GNA12: variants seen among roughly 807,000 people sequenced by gnomAD.
The protein encoded by GNA12 is guanine nucleotide-binding protein subunit alpha-12.
A neutral mutation model predicts 26.0 loss-of-function variants in GNA12; 9 were observed. The observed-to-expected ratio is 0.35, with a 90% CI of 0.21 to 0.60. GNA12 has a LOEUF of 0.60. GNA12 is among the 20% of genes least tolerant of loss of function. The probability of loss-of-function intolerance (pLI) is 0.78; values close to 1 mark genes in which losing one functional copy is unlikely to be tolerated. For synonymous variants in GNA12, 264 were observed against 219.6 expected, an observed-to-expected ratio of 1.20 and a Z score of -1.79; for missense variants, 405 against 525.8, an observed-to-expected ratio of 0.77 and a Z score of 2.25.
chr7:2,795,692 G>C (rs755868051), intron 1 of GNA12, among the ~76,000 whole-genome samples: 3 of 150,894 alleles, frequency 2.0e-5, no homozygotes, highest in Non-Finnish European at 4.4e-5. Context: ...ACCACAGAAA[G>C]AAGTCTGCTT....
At chr7:2,798,544 C>T (rs1290898824) in intron 1 of GNA12, among the ~76,000 whole-genome samples, 1 of 152,026 alleles carries the variant, frequency 6.6e-6, no homozygotes, top group Non-Finnish European at 1.5e-5. Flanking sequence ...ATAGATATAC[C>T]ACGGTCACGA....
intron 2 of GNA12, 64 bp downstream of exon 2, chr7:2,794,864 G>C (rs181093880): frequency 8.7e-7 from 1 of 1,145,132 alleles, no homozygotes; most frequent in Non-Finnish European, 1.3e-6. Flanking sequence ...TTCAACTAAC[G>C]GTCCAAAATA....
intron 2 of GNA12, among the ~76,000 whole-genome samples, chr7:2,743,681 C>G (rs1790620448): frequency 6.6e-6 from 1 of 152,162 alleles, no homozygotes; most frequent in Non-Finnish European, 1.5e-5. Flanking sequence ...GTGTGCCAGA[C>G]AGTGGGCGCA....
chr7:2,763,635 C>T (rs1791679571), intron 2 of GNA12, among the ~76,000 whole-genome samples: 1 of 152,252 alleles, frequency 6.6e-6, no homozygotes, highest in Admixed American at 6.5e-5. Context: ...GCAGTGAACA[C>T]ATTTACACTT....
At chr7:2,750,319 G>A (rs572637467) in intron 2 of GNA12, among the ~76,000 whole-genome samples, 3 of 152,292 alleles carry the variant, frequency 2.0e-5, no homozygotes, top group Middle Eastern at 3.4e-3. Flanking sequence ...GCAGAGAATC[G>A]CAGTTTACCA....
At chr7:2,834,457 A>C (rs1020509355) in intron 1 of GNA12, among the ~76,000 whole-genome samples, 11 of 152,228 alleles carry the variant, frequency 7.2e-5, no homozygotes, top group African/African-American at 2.4e-4. Flanking sequence ...CCCCAGCTTG[A>C]GAGTGCGAGT....
At chr7:2,793,066 T>C (rs988111485) in intron 2 of GNA12, among the ~76,000 whole-genome samples, 3 of 152,198 alleles carry the variant, frequency 2.0e-5, no homozygotes, top group Non-Finnish European at 4.4e-5. Context: ...CTGCGGTTTC[T>C]GTGCCAAAAA....
At chr7:2,749,121 G>T (rs1304376199) in intron 2 of GNA12, among the ~76,000 whole-genome samples, 1 of 152,162 alleles carries the variant, frequency 6.6e-6, no homozygotes, top group Non-Finnish European at 1.5e-5. Flanking sequence ...CAGGGATCTA[G>T]AACTAGAAAT....
chr7:2,843,517 C>T (rs1261879605), intron 1 of GNA12, among the ~76,000 whole-genome samples: 1 of 152,036 alleles, frequency 6.6e-6, no homozygotes, highest in African/African-American at 2.4e-5. Flanking sequence ...GCTGGTGGTG[C>T]GCGCCTGTAA....
chr7:2,805,179 C>CT (rs549118635), intron 1 of GNA12, among the ~76,000 whole-genome samples: 166 of 152,334 alleles, frequency 1.1e-3, no homozygotes, highest in South Asian at 8.9e-3. Flanking sequence ...TCATGCCAGT[C>CT]TATCAACCAA....
At chr7:2,754,478 C>CA (rs1197449636) in intron 2 of GNA12, among the ~76,000 whole-genome samples, 1 of 151,936 alleles carries the variant, frequency 6.6e-6, no homozygotes, top group African/African-American at 2.4e-5. Flanking sequence ...CACGGTGGCT[C>CA]ACCCCTGTAA....
At chr7:2,790,186 C>T (rs1368255868) in intron 2 of GNA12, among the ~76,000 whole-genome samples, 1 of 152,204 alleles carries the variant, frequency 6.6e-6, no homozygotes, top group Non-Finnish European at 1.5e-5. Context: ...CACCTCTGAC[C>T]TCCTCCTGCC....
chr7:2,773,175 G>A (rs1373396164), intron 2 of GNA12, among the ~76,000 whole-genome samples: 2 of 152,240 alleles, frequency 1.3e-5, no homozygotes, highest in Non-Finnish European at 2.9e-5. Flanking sequence ...TCACGTGGGT[G>A]GTGGCTGTGT....
chr7:2,732,573 A>C (rs892843053), intron 3 of GNA12, among the ~76,000 whole-genome samples: 5 of 152,096 alleles, frequency 3.3e-5, no homozygotes, highest in African/African-American at 1.2e-4. Context: ...AACAGAACAA[A>C]AAACCAACAA....
Position 2,778,779 on chromosome 7 carries a change from C to A in GNA12, c.525+16149G>T, listed in dbSNP as rs79979642. On this transcript the variant is annotated intron_variant, in intron 2 of 3. Transcript: ENST00000275364. ...CTTCCTTGATAGCTAAGGACTGAAG[C>A]TTCAATAATATGTAGCGAAAATGGT... Among the ~76,000 whole-genome samples the A allele has an allele frequency of 5.1e-3, 778 of 152,274 alleles. 7 individuals carry two copies. Among genetic ancestry groups the A allele is most frequent in the African/African-American group, 0.018 (733 of 41,536 alleles).
intron 2 of GNA12, among the ~76,000 whole-genome samples, chr7:2,767,926 C>T (rs1184454087): frequency 6.6e-6 from 1 of 152,220 alleles, no homozygotes; most frequent in Non-Finnish European, 1.5e-5. Flanking sequence ...ACAATCTCGG[C>T]TCACTGCAAC....
At position 2,731,764 on chromosome 7, in the gene GNA12, G is replaced by C. The variant is rs757182218; in HGVS notation, c.577-14C>G. ...AGGAAAGTAATTCTGTAAAATACAG[G>C]ATGAGGCAGAAATTTAGGGGGAGGA... On this transcript the variant is annotated splice_polypyrimidine_tract_variant and intron_variant, in intron 3 of 3. Transcript: ENST00000275364. The surrounding 1 kb of genome is among the most constrained non-coding windows in gnomAD (Gnocchi z 6.0). 5.1e-6 allele frequency: 7 copies of C among 1,367,354 alleles called. No homozygotes were observed. In the African/African-American group the frequency reaches 8.6e-5, roughly 17 times the overall value. The allele number at this position is 1,367,354 out of a possible 1,614,324, so 84.7% of individuals were successfully genotyped here.
At chr7:2,806,492 GAAGA>G (rs1478273162) in intron 1 of GNA12, among the ~76,000 whole-genome samples, 1 of 141,174 alleles carries the variant, frequency 7.1e-6, no homozygotes, top group Admixed American at 7.0e-5. Flanking sequence ...AAAGAAAAAA[GAAGA>G]AAGAACTTGT....
chr7:2,841,918 G>C (rs913978320), intron 1 of GNA12, among the ~76,000 whole-genome samples: 1 of 151,964 alleles, frequency 6.6e-6, no homozygotes, highest in Non-Finnish European at 1.5e-5. Context: ...TCTGCTTTGA[G>C]ATGATTGTCC....
Sources: gnomAD v4.1 joint callset for allele counts (sites outside exome capture counted in the v4.1 genomes callset) on GRCh38, gnomAD v4.1.1 for gene constraint, Gnocchi (gnomAD v3.1) non-coding constraint, MANE v1.5 for transcripts, NCBI Gene and HGNC (gene_info 2026-07-23, HGNC 2026-07-21) for gene names.